TF: variants seen among roughly 807,000 people sequenced by gnomAD.
TF encodes the protein transferrin, also known as serotransferrin.
A neutral mutation model predicts 82.4 loss-of-function variants in TF; 55 were observed. The observed-to-expected ratio is 0.67, with a 90% CI of 0.54 to 0.84. The LOEUF (loss-of-function observed/expected upper bound fraction) is 0.84, where lower values mean the gene tolerates loss of function less well. TF is among the 40% of genes least tolerant of loss of function. TF has a pLI of 0.00. For synonymous variants in TF, 332 were observed against 332.6 expected (o/e 1.00, Z 0.02); for missense variants, 737 against 868.4 (o/e 0.85, Z 1.90).
the TF span, among the ~76,000 whole-genome samples, chr3:133,711,140 C>T: frequency 2.0e-5 from 3 of 152,182 alleles, no homozygotes; most frequent in Non-Finnish European, 4.4e-5. Flanking sequence ...GAAACGTTTG[C>T]GTTGCTAAAT....
At chr3:133,701,571 G>A in the TF span, among the ~76,000 whole-genome samples, 1 of 152,298 alleles carries the variant, frequency 6.6e-6, no homozygotes, top group African/African-American at 2.4e-5. Flanking sequence ...GAGCAAGCAG[G>A]CCCACCCAGA....
chr3:133,703,364 G>A, the TF span, among the ~76,000 whole-genome samples: 3 of 152,326 alleles, frequency 2.0e-5, no homozygotes, highest in Admixed American at 1.3e-4. Context: ...GTGCTTTAGG[G>A]TAGACAGATC....
chr3:133,683,016 T>G, the TF span, among the ~76,000 whole-genome samples: 1 of 152,170 alleles, frequency 6.6e-6, no homozygotes, highest in Non-Finnish European at 1.5e-5. Flanking sequence ...CGGCAGAAAC[T>G]CTACAAGCCA....
intron 14 of TF, among the ~76,000 whole-genome samples, chr3:133,771,163 GC>G (rs1380738259): frequency 2.0e-5 from 3 of 152,176 alleles, no homozygotes; most frequent in Non-Finnish European, 2.9e-5. Flanking sequence ...TAGATGCTGA[GC>G]CTAGAACAAC....
At chr3:133,772,768 A>G (rs980720587) in intron 14 of TF, 8 of 152,336 alleles carry the variant, frequency 5.3e-5, no homozygotes, top group Non-Finnish European at 8.8e-5. Flanking sequence ...ATGATTTTTA[A>G]GAGCCAAAGT....
At chr3:133,678,866 GT>G in the TF span, among the ~76,000 whole-genome samples, 2 of 151,264 alleles carry the variant, frequency 1.3e-5, no homozygotes, top group Non-Finnish European at 3.0e-5. Flanking sequence ...GTTTTGTTTT[GT>G]TTTGTTTTGT....
intron 2 of TF, among the ~76,000 whole-genome samples, chr3:133,751,258 A>T (rs1304820637): frequency 1.9e-5 from 2 of 104,796 alleles, no homozygotes; most frequent in South Asian, 3.2e-4. Context: ...TTTGAGACGG[A>T]GTTTCGCTCT....
the TF span, among the ~76,000 whole-genome samples, chr3:133,689,633 A>G: frequency 6.6e-6 from 1 of 152,220 alleles, no homozygotes; most frequent in Non-Finnish European, 1.5e-5. Context: ...ACCTAAAACT[A>G]TACCATATTT....
the TF span, among the ~76,000 whole-genome samples, chr3:133,709,103 C>A: frequency 6.6e-6 from 1 of 152,164 alleles, no homozygotes; most frequent in Non-Finnish European, 1.5e-5. Flanking sequence ...GTGGCTGCTG[C>A]TGCTGCATTT....
At chr3:133,738,996 G>C in the TF span, among the ~76,000 whole-genome samples, 1 of 152,082 alleles carries the variant, frequency 6.6e-6, no homozygotes, top group Non-Finnish European at 1.5e-5. Context: ...AAAAGAGCCC[G>C]CATAGCCAAG....
At chr3:133,699,696 G>T in the TF span, 1 of 432,172 alleles carries the variant, frequency 2.3e-6, no homozygotes, top group Non-Finnish European at 4.6e-6. Context: ...TAACTTCCTT[G>T]CCTTCTTGTC....
At chr3:133,717,012 A>C in the TF span, among the ~76,000 whole-genome samples, 1 of 152,078 alleles carries the variant, frequency 6.6e-6, no homozygotes, top group African/African-American at 2.4e-5. Context: ...TTTCCTGGCC[A>C]CTCTGTAATT....
At chr3:133,731,715 C>T in the TF span, among the ~76,000 whole-genome samples, 3 of 152,182 alleles carry the variant, frequency 2.0e-5, no homozygotes, top group Non-Finnish European at 4.4e-5. Flanking sequence ...TGTGAGCAAT[C>T]TTCAGAATGA....
chr3:133,674,392 G>T, the TF span, among the ~76,000 whole-genome samples: 6 of 152,230 alleles, frequency 3.9e-5, no homozygotes, highest in Non-Finnish European at 8.8e-5. Context: ...GGCTGGGAAG[G>T]GGGCGGGAGA....
intron 8 of TF, among the ~76,000 whole-genome samples, 165 bp downstream of exon 8, chr3:133,758,111 A>G (rs1433852585): frequency 6.6e-6 from 1 of 152,244 alleles, no homozygotes; most frequent in South Asian, 2.1e-4. Context: ...GGCGTTAGTC[A>G]TTATGAGATG....
the TF span, among the ~76,000 whole-genome samples, chr3:133,704,774 CACT>C: frequency 6.6e-6 from 1 of 152,182 alleles, no homozygotes; most frequent in Admixed American, 6.5e-5. Flanking sequence ...CACCCAGATG[CACT>C]GGGTGGTTGA....
the TF span, among the ~76,000 whole-genome samples, chr3:133,685,270 A>T: frequency 0.036 from 5,516 of 152,320 alleles, 369 homozygotes; most frequent in African/African-American, 0.12. Context: ...AAAAACTAGA[A>T]GTATTCCCTT....
the TF span, among the ~76,000 whole-genome samples, chr3:133,666,988 A>G: frequency 6.6e-6 from 1 of 151,966 alleles, no homozygotes; most frequent in Non-Finnish European, 1.5e-5. Context: ...GTGAGCTGAG[A>G]TCGTGCCACT....
At chr3:133,715,165 A>G in the TF span, among the ~76,000 whole-genome samples, 1 of 152,188 alleles carries the variant, frequency 6.6e-6, no homozygotes, top group Non-Finnish European at 1.5e-5. Context: ...TAAATGAGCC[A>G]TGTATCTCTA....
Sources: gnomAD v4.1 joint callset for allele counts (sites outside exome capture counted in the v4.1 genomes callset) on GRCh38, gnomAD v4.1.1 for gene constraint, MANE v1.5 for transcripts, NCBI Gene and HGNC (gene_info 2026-07-23, HGNC 2026-07-21) for gene names.